MEF2C: variants seen among roughly 807,000 people sequenced by gnomAD.
MEF2C encodes the protein myocyte enhancer factor 2C.
In MEF2C, 6 loss-of-function variants were observed where a neutral mutation model predicts 50.5. The ratio of observed to expected loss-of-function variants is 0.12; its 90% CI spans 0.07 to 0.23. MEF2C has a LOEUF of 0.23. MEF2C is among the 10% of genes least tolerant of loss of function. MEF2C has a pLI of 1.00. For synonymous variants in MEF2C, 183 were observed against 228.0 expected, an observed-to-expected ratio of 0.80 and a Z score of 1.78; for missense variants, 276 against 605.0, an observed-to-expected ratio of 0.46 and a Z score of 5.70.
intron 3 of MEF2C, among the ~76,000 whole-genome samples, chr5:88,766,065 A>G (rs1779907199): frequency 6.6e-6 from 1 of 152,214 alleles, no homozygotes. Context: ...TAAATGGGAG[A>G]AAGAGTCCAG....
chr5:88,755,792 G>A (rs1361546478), intron 4 of MEF2C, among the ~76,000 whole-genome samples: 5 of 152,172 alleles, frequency 3.3e-5, no homozygotes, highest in Non-Finnish European at 4.4e-5. Flanking sequence ...TGTCTCATTA[G>A]AGAGCAAAGC....
chr5:88,774,558 G>A (rs1176980922), intron 3 of MEF2C, among the ~76,000 whole-genome samples: 2 of 151,980 alleles, frequency 1.3e-5, no homozygotes, highest in Non-Finnish European at 2.9e-5. Context: ...TCCTGACCTC[G>A]TGATCTGCCC....
At chr5:88,723,005 C>G in intron 10 of MEF2C, 80 bp from the exon 11 acceptor site, 1 of 1,243,712 alleles carries the variant, frequency 8.0e-7, no homozygotes, top group East Asian at 2.5e-5. Context: ...CAAACATCAG[C>G]TTAAAGACTC....
intron 3 of MEF2C, among the ~76,000 whole-genome samples, chr5:88,794,860 T>C (rs1016528422): frequency 3.9e-5 from 6 of 152,202 alleles, no homozygotes; most frequent in African/African-American, 9.6e-5. Context: ...TTTTTACATA[T>C]GGCTAGCCAG....
At chr5:88,736,839 C>T (rs1764327905) in intron 6 of MEF2C, 13 of 985,238 alleles carry the variant, frequency 1.3e-5, no homozygotes, top group South Asian at 4.7e-5. Flanking sequence ...TTATGGTCCT[C>T]GGAATATATG....
intron 3 of MEF2C, among the ~76,000 whole-genome samples, chr5:88,797,375 T>C (rs781337669): frequency 2.6e-5 from 4 of 151,988 alleles, no homozygotes; most frequent in Non-Finnish European, 4.4e-5. Context: ...TTTACCATTA[T>C]GTAATGCCCT....
intron 1 of MEF2C, among the ~76,000 whole-genome samples, chr5:88,844,987 T>C (rs1196559934): frequency 6.6e-6 from 1 of 152,224 alleles, no homozygotes; most frequent in Non-Finnish European, 1.5e-5. Context: ...ATCAAATGAT[T>C]CTTAAGAGTT....
intron 1 of MEF2C, among the ~76,000 whole-genome samples, chr5:88,842,437 A>G (rs912805147): frequency 6.6e-6 from 1 of 152,118 alleles, no homozygotes; most frequent in African/African-American, 2.4e-5. Context: ...TAATATTTAG[A>G]TATTTCTATT....
chr5:88,878,465 A>G (rs1303114485), intron 1 of MEF2C, among the ~76,000 whole-genome samples: 4 of 152,034 alleles, frequency 2.6e-5, no homozygotes. Context: ...GTCTACGCTT[A>G]CCATCCTAAT....
intron 1 of MEF2C, among the ~76,000 whole-genome samples, chr5:88,863,765 T>G (rs1317901806): frequency 6.6e-6 from 1 of 152,190 alleles, no homozygotes; most frequent in African/African-American, 2.4e-5. Context: ...CCTGACTTAT[T>G]TCACTTAACG....
At chr5:88,738,645 C>T in intron 6 of MEF2C, 2 of 985,298 alleles carry the variant, frequency 2.0e-6, no homozygotes, top group South Asian at 9.4e-5. Context: ...TAGTGAAAGC[C>T]TTTCTATGTC....
chr5:88,734,782 G>A, intron 6 of MEF2C: 1 of 980,440 alleles, frequency 1.0e-6, no homozygotes, highest in Non-Finnish European at 1.2e-6. Flanking sequence ...TTTTTCTCTT[G>A]GAATATTTCC....
intron 6 of MEF2C, chr5:88,734,575 T>A: frequency 1.1e-6 from 1 of 898,412 alleles, no homozygotes; most frequent in Non-Finnish European, 1.3e-6. Flanking sequence ...GTTTTTTTTT[T>A]TTTTTTTTTT....
At chr5:88,769,046 T>C (rs1299864624) in intron 3 of MEF2C, among the ~76,000 whole-genome samples, 1 of 152,074 alleles carries the variant, frequency 6.6e-6, no homozygotes, top group Non-Finnish European at 1.5e-5. Flanking sequence ...TGATCAAAAG[T>C]GTAGCTGAAA....
Position 88,794,215 on chromosome 5 carries a change from G to A in MEF2C, c.258+10383C>T, listed in dbSNP as rs1405001414. Among the ~76,000 whole-genome samples, 8 of 152,104 alleles carry A rather than the reference G, an allele frequency of 5.3e-5. No homozygotes were observed. The South Asian group carries it at 6.2e-4, about 12-fold the overall frequency. ...TCTGGTTCTAGATCCCTGAGGAATC[G>A]CCACACTGTCTTCCACAATGGTTGA... On this transcript the variant is annotated intron_variant, in intron 3 of 10. Transcript: ENST00000504921.
At chr5:88,841,046 A>T (rs1009416403) in intron 1 of MEF2C, among the ~76,000 whole-genome samples, 1 of 152,196 alleles carries the variant, frequency 6.6e-6, no homozygotes, top group Non-Finnish European at 1.5e-5. Flanking sequence ...TTCCTTGTAC[A>T]CTTTTAAGTC....
At chr5:88,834,513 G>A (rs1419873931) in intron 1 of MEF2C, among the ~76,000 whole-genome samples, 1 of 152,022 alleles carries the variant, frequency 6.6e-6, no homozygotes, top group African/African-American at 2.4e-5. Flanking sequence ...CGTTCTAAGG[G>A]GAAAAAGGGC....
chr5:88,726,832 A>C (rs956599321), intron 10 of MEF2C, among the ~76,000 whole-genome samples: 6 of 152,168 alleles, frequency 3.9e-5, no homozygotes, highest in African/African-American at 1.4e-4. Flanking sequence ...TAGTACAGCT[A>C]AAATATGTAA....
At chr5:88,765,757 CG>C (rs1779781203) in intron 3 of MEF2C, among the ~76,000 whole-genome samples, 2 of 152,170 alleles carry the variant, frequency 1.3e-5, no homozygotes, top group African/African-American at 4.8e-5. Context: ...TGACTGACTA[CG>C]TTTTGAAAAG....
Sources: gnomAD v4.1 joint callset for allele counts (sites outside exome capture counted in the v4.1 genomes callset) on GRCh38, gnomAD v4.1.1 for gene constraint, MANE v1.5 for transcripts, NCBI Gene and HGNC (gene_info 2026-07-23, HGNC 2026-07-21) for gene names.